Variants in GRK5 observed in about 807,000 individuals in gnomAD.
GRK5 encodes G protein-coupled receptor kinase 5.
Under a neutral mutation model 78.4 loss-of-function variants are expected in GRK5, and 40 were observed. The observed-to-expected ratio is 0.51, with a 90% confidence interval of 0.40 to 0.66. The LOEUF (loss-of-function observed/expected upper bound fraction) is 0.66, where lower values mean the gene tolerates loss of function less well. Among genes scored for constraint, GRK5 ranks in the 30% least tolerant of loss-of-function variants. GRK5 has a pLI of 0.00. For missense variants in GRK5, 598 were observed against 759.9 expected (o/e 0.79, Z 2.50); for synonymous variants, 289 against 296.8 (o/e 0.97, Z 0.27).
At chr10:119,254,905 G>A (rs1985478) in intron 1 of GRK5, among the ~76,000 whole-genome samples, 3,215 of 152,046 alleles carry the variant, frequency 0.021, 57 homozygotes, top group Admixed American at 0.054. Flanking sequence ...AAATGCAAAA[G>A]TTAGCTGGGC....
At chr10:119,367,642 A>G (rs562908977) in intron 2 of GRK5, among the ~76,000 whole-genome samples, 1 of 152,390 alleles carries the variant, frequency 6.6e-6, no homozygotes, top group Admixed American at 6.5e-5. Flanking sequence ...AAAGGGCAGT[A>G]TAACAGAAAG....
chr10:119,409,666 G>A (rs111362779), intron 4 of GRK5, among the ~76,000 whole-genome samples: 2 of 152,094 alleles, frequency 1.3e-5, no homozygotes, highest in Admixed American at 6.5e-5. Context: ...CTGAGGTGAG[G>A]GGCAGGTTCT....
chr10:119,431,669 A>C lies in GRK5; in HGVS notation c.738+142A>C. Reference sequence around the variant, plus strand: ...GCCAGTGGCAGCGCTGAGCTACAGAAAGGCCGCAAGACATTCCTCCATCAC... The same window carrying C: ...GCCAGTGGCAGCGCTGAGCTACAGACAGGCCGCAAGACATTCCTCCATCAC... On this transcript the variant is annotated intron_variant, in intron 8 of 15. Coordinates refer to ENST00000392870, the MANE Select transcript of GRK5 (RefSeq NM_005308.3). The surrounding 1 kb of genome is among the most constrained non-coding windows in gnomAD (Gnocchi z 4.8). 1.0e-6 allele frequency: 1 copy of C among 999,460 alleles called. No homozygotes were observed. Among genetic ancestry groups the C allele is most frequent in the South Asian group, 1.7e-5 (1 of 57,516 alleles). The allele number at this position is 999,460 out of a possible 1,614,324, so 61.9% of individuals were successfully genotyped here. A position where few individuals can be genotyped will look rare whatever the true frequency, so the allele number is the denominator to read the frequency against.
At chr10:119,275,621 A>G (rs1454510385) in intron 1 of GRK5, among the ~76,000 whole-genome samples, 13 of 144,336 alleles carry the variant, frequency 9.0e-5, no homozygotes, top group South Asian at 6.8e-4. Context: ...TCGCACACAC[A>G]CACACACACA....
Position 119,452,149 on chromosome 10 carries a change from G to T in GRK5, c.1405-522G>T, listed in dbSNP as rs919895465. Among the ~76,000 whole-genome samples the T allele has an allele frequency of 6.6e-6, 1 of 152,190 alleles. No homozygotes were observed. Among genetic ancestry groups the T allele is most frequent in the Non-Finnish European group, 1.5e-5 (1 of 68,012 alleles). On this transcript the variant is annotated intron_variant, in intron 13 of 15. Transcript: ENST00000392870. The surrounding 1 kb of genome is among the most constrained non-coding windows in gnomAD (Gnocchi z 4.4). ...GCTCCCAGTTACGGGCGCCAGGCTC[G>T]GTGGCCAGCACTGACAGCAGCCCCA...
At chr10:119,259,777 A>T (rs1849343186) in intron 1 of GRK5, among the ~76,000 whole-genome samples, 1 of 152,198 alleles carries the variant, frequency 6.6e-6, no homozygotes, top group African/African-American at 2.4e-5. Context: ...CTGAGTTTTT[A>T]ATTTCATTTA....
In GRK5 at chr10:119,431,727, G is replaced by A. The variant is rs1468195274; in HGVS notation, c.738+200G>A. 3.9e-5 allele frequency among the ~76,000 whole-genome samples: 6 copies of A among 152,352 alleles called. No homozygotes were observed. The East Asian group carries it at 9.6e-4, about 25-fold the overall frequency. ...ATTGTGGTCGACTGTGGCTGGCTTT[G>A]TCCCATCCCCAGAGCCGGCCAGTGC... is the stretch of plus-strand genomic sequence containing the variant. On this transcript the variant is annotated intron_variant, in intron 8 of 15. Coordinates refer to ENST00000392870, the MANE Select transcript of GRK5 (RefSeq NM_005308.3). The surrounding 1 kb of genome is among the most constrained non-coding windows in gnomAD (Gnocchi z 4.8).
In GRK5 at chr10:119,455,413, C is replaced by G. The variant is rs975600759; in HGVS notation, c.*346C>G. On this transcript the variant is annotated 3_prime_UTR_variant, in exon 16 of 16. Transcript: ENST00000392870. ...TTAAAGAAAAGTTTTGTAAATTTCT[C>G]TACTGTCTCAGTTTACATTTTGTAT... is the stretch of plus-strand genomic sequence containing the variant. The G allele has an allele frequency of 5.8e-5, 27 of 462,742 alleles. No homozygotes were observed. 28.7% of individuals were successfully genotyped at this position (462,742 alleles called of 1,614,324 possible). A position where few individuals can be genotyped will look rare whatever the true frequency, so the allele number is the denominator to read the frequency against.
chr10:119,327,466 A>G (rs1850699033), intron 2 of GRK5, among the ~76,000 whole-genome samples: 1 of 152,198 alleles, frequency 6.6e-6, no homozygotes, highest in Non-Finnish European at 1.5e-5. Flanking sequence ...GACGTGCTGA[A>G]CACGTTTAAG....
intron 2 of GRK5, among the ~76,000 whole-genome samples, chr10:119,332,909 C>T (rs1381622861): frequency 6.6e-6 from 1 of 152,240 alleles, no homozygotes; most frequent in African/African-American, 2.4e-5. Context: ...ACCATACCCT[C>T]CTTCTAATTG....
chr10:119,418,044 G>A (rs140785774), intron 4 of GRK5, among the ~76,000 whole-genome samples: 21 of 152,156 alleles, frequency 1.4e-4, no homozygotes, highest in African/African-American at 5.1e-4. Flanking sequence ...GTGAGTCATC[G>A]GGGGTCCCGA....
At chr10:119,415,098 A>G (rs566251137) in intron 4 of GRK5, among the ~76,000 whole-genome samples, 105 of 150,924 alleles carry the variant, frequency 7.0e-4, no homozygotes, top group Middle Eastern at 3.4e-3. Context: ...AAAAAAAAAA[A>G]AAAAAGAAAA....
intron 1 of GRK5, among the ~76,000 whole-genome samples, chr10:119,219,270 A>G (rs910645250): frequency 1.3e-5 from 2 of 152,050 alleles, no homozygotes; most frequent in Admixed American, 6.6e-5. Flanking sequence ...GTGCAGTGGC[A>G]CCATCATAGC....
intron 2 of GRK5, among the ~76,000 whole-genome samples, chr10:119,346,137 CCT>C (rs963711441): frequency 2.0e-5 from 3 of 152,204 alleles, no homozygotes; most frequent in African/African-American, 4.8e-5. Context: ...AAGCCTAACC[CCT>C]GTTACAATGC....
intron 1 of GRK5, among the ~76,000 whole-genome samples, chr10:119,260,109 C>T (rs1352226109): frequency 1.3e-5 from 2 of 152,078 alleles, no homozygotes; most frequent in Non-Finnish European, 2.9e-5. Flanking sequence ...ATGCCATTCT[C>T]CTGCCTCAGC....
chr10:119,229,940 C>T (rs560949505), intron 1 of GRK5, among the ~76,000 whole-genome samples: 1 of 152,330 alleles, frequency 6.6e-6, no homozygotes, highest in South Asian at 2.1e-4. Flanking sequence ...GGTGTTGGAG[C>T]TTGGCTTTGA....
At chr10:119,317,352 GTGT>G (rs1564888924) in intron 1 of GRK5, among the ~76,000 whole-genome samples, 67 of 79,500 alleles carry the variant, frequency 8.4e-4, no homozygotes, top group Non-Finnish European at 1.4e-3. Flanking sequence ...AGATGGGTGT[GTGT>G]GTGTGTGTGT....
chr10:119,308,585 C>T (rs1009021498), intron 1 of GRK5, among the ~76,000 whole-genome samples: 29 of 152,212 alleles, frequency 1.9e-4, no homozygotes, highest in Admixed American at 1.8e-3. Flanking sequence ...AGTTAGGAGG[C>T]GTGTGTTTTT....
At chr10:119,409,613 C>T (rs1311983799) in intron 4 of GRK5, among the ~76,000 whole-genome samples, 3 of 152,164 alleles carry the variant, frequency 2.0e-5, no homozygotes, top group Admixed American at 6.5e-5. Flanking sequence ...TTGGCAGGCC[C>T]TCCCCATCCG....
Sources: gnomAD v4.1 joint callset for allele counts (sites outside exome capture counted in the v4.1 genomes callset) on GRCh38, gnomAD v4.1.1 for gene constraint, Gnocchi (gnomAD v3.1) non-coding constraint, MANE v1.5 for transcripts, NCBI Gene and HGNC (gene_info 2026-07-23, HGNC 2026-07-21) for gene names.